PRKCB: variants seen among roughly 807,000 people sequenced by gnomAD.
PRKCB encodes the protein protein kinase C beta type.
In PRKCB, 13 loss-of-function variants were observed where a neutral mutation model predicts 81.5. The observed-to-expected ratio is 0.16, with a 90% CI of 0.10 to 0.25. The LOEUF (loss-of-function observed/expected upper bound fraction) is 0.25. PRKCB is among the 10% of genes least tolerant of loss of function. The pLI is 1.00. For missense variants in PRKCB, 509 were observed against 875.7 expected (o/e 0.58, Z 5.29); for synonymous variants, 335 against 321.4 (o/e 1.04, Z -0.45).
intron 7 of PRKCB, among the ~76,000 whole-genome samples, chr16:24,105,062 T>TA (rs1555497034): frequency 2.0e-5 from 3 of 151,828 alleles, no homozygotes; most frequent in Non-Finnish European, 4.4e-5. Flanking sequence ...TGGATTTTTT[T>TA]TTTTTTATTT....
intron 1 of PRKCB, chr16:23,837,153 G>A (rs1962176563): frequency 3.2e-6 from 2 of 631,606 alleles, no homozygotes; most frequent in Middle Eastern, 4.3e-4. Flanking sequence ...GCCACCTGGT[G>A]GTCGCAGCCT....
At chr16:23,915,610 T>A (rs2141738383) in intron 2 of PRKCB, among the ~76,000 whole-genome samples, 1 of 138,736 alleles carries the variant, frequency 7.2e-6, no homozygotes, top group African/African-American at 2.7e-5. Flanking sequence ...GATGATTGCA[T>A]GAGCCCAGGA....
At chr16:23,971,669 T>C (rs1262977945) in intron 2 of PRKCB, among the ~76,000 whole-genome samples, 2 of 152,166 alleles carry the variant, frequency 1.3e-5, no homozygotes, top group Non-Finnish European at 2.9e-5. Flanking sequence ...TCTCTCAGGG[T>C]TTCCTCTCTT....
chr16:23,951,979 G>A (rs1159759352), intron 2 of PRKCB, among the ~76,000 whole-genome samples: 1 of 152,172 alleles, frequency 6.6e-6, no homozygotes, highest in African/African-American at 2.4e-5. Context: ...CTGTCAGACT[G>A]TGAGAAACTT....
intron 12 of PRKCB, among the ~76,000 whole-genome samples, chr16:24,176,519 A>G (rs977499264): frequency 1.2e-4 from 19 of 152,236 alleles, no homozygotes; most frequent in African/African-American, 4.6e-4. Flanking sequence ...GCACATGGAA[A>G]TCCTCTAATT....
At position 24,219,599 on chromosome 16, in the gene PRKCB, G is replaced by A; in HGVS notation, c.*4783G>A. The A allele has an allele frequency of 9.8e-7, 1 of 1,017,340 alleles. No individual in the cohort carries two copies. Among genetic ancestry groups the A allele is most frequent in the Non-Finnish European group, 1.2e-6 (1 of 851,352 alleles). 63.0% of individuals were successfully genotyped at this position (1,017,340 alleles called of 1,614,324 possible). On this transcript the variant is annotated 3_prime_UTR_variant, in exon 17 of 17. Coordinates refer to ENST00000643927, the MANE Select transcript of PRKCB (RefSeq NM_002738.7). ...CTAATGATTATTTCTATAACATTAA[G>A]CATGGTAATAAGTAGCTTCCAATTC... is the stretch of plus-strand genomic sequence containing the variant.
intron 3 of PRKCB, among the ~76,000 whole-genome samples, chr16:24,027,325 A>G (rs1965494313): frequency 6.6e-6 from 1 of 152,224 alleles, no homozygotes; most frequent in Admixed American, 6.5e-5. Context: ...TCCAAGAAGC[A>G]CAATGGGAAC....
chr16:24,113,465 C>T (rs933845496), intron 8 of PRKCB, among the ~76,000 whole-genome samples: 2 of 149,468 alleles, frequency 1.3e-5, no homozygotes, highest in Non-Finnish European at 3.0e-5. Flanking sequence ...CTTTCTCTCT[C>T]CTTCCTTCTT....
chr16:23,854,838 C>T (rs2141085298), intron 2 of PRKCB, among the ~76,000 whole-genome samples: 1 of 152,288 alleles, frequency 6.6e-6, no homozygotes, highest in East Asian at 1.9e-4. Context: ...TAAAAACATA[C>T]TCCAGTCTAG....
At chr16:24,092,425 CA>C in intron 5 of PRKCB, among the ~76,000 whole-genome samples, 1 of 152,194 alleles carries the variant, frequency 6.6e-6, no homozygotes, top group South Asian at 2.1e-4. Context: ...TTCAGTCATG[CA>C]AAAAAATGAA....
intron 5 of PRKCB, among the ~76,000 whole-genome samples, chr16:24,088,550 G>A (rs924588628): frequency 2.0e-5 from 3 of 151,928 alleles, no homozygotes; most frequent in African/African-American, 7.3e-5. Context: ...AACATAGTGA[G>A]ACTCCATCTC....
chr16:23,849,904 C>T (rs1019785453), intron 2 of PRKCB, among the ~76,000 whole-genome samples: 1 of 152,144 alleles, frequency 6.6e-6, no homozygotes, highest in Non-Finnish European at 1.5e-5. Context: ...TGTTACCCTG[C>T]TGTGCAATAG....
In PRKCB at chr16:24,186,372, T is replaced by A. The variant is rs1251530089; in HGVS notation, c.1722+805T>A. Among the ~76,000 whole-genome samples the A allele has an allele frequency of 2.0e-5, 3 of 152,248 alleles. No individual in the cohort carries two copies. In the East Asian group the frequency reaches 5.8e-4, roughly 29 times the overall value. ...TGAGTATTTTGGAAAAGTCTCCATT[T>A]GGCTTGCAGACCACTGCCTTTAAAA... is the stretch of plus-strand genomic sequence containing the variant. On this transcript the variant is annotated intron_variant, in intron 15 of 16. Coordinates refer to ENST00000643927, the MANE Select transcript of PRKCB (RefSeq NM_002738.7).
Position 23,921,523 on chromosome 16 carries a change from C to T in PRKCB, c.206-66985C>T, listed in dbSNP as rs1384869020. On this transcript the variant is annotated intron_variant, in intron 2 of 16. Coordinates refer to ENST00000643927, the MANE Select transcript of PRKCB (RefSeq NM_002738.7). ...GAGGTGTGATAAAGATGTGCTAGGC[C>T]AGGCAAGATGGCTCACGTCTGTAAT... Among the ~76,000 whole-genome samples the T allele has an allele frequency of 1.3e-5, 2 of 152,110 alleles. 1 individual carries two copies.
intron 4 of PRKCB, among the ~76,000 whole-genome samples, chr16:24,032,545 A>T (rs1046843332): frequency 2.0e-5 from 3 of 152,160 alleles, no homozygotes; most frequent in Admixed American, 6.5e-5. Context: ...GGATTAGCAG[A>T]TGGAGGTGGG....
At chr16:24,128,738 A>G (rs1263922995) in intron 9 of PRKCB, among the ~76,000 whole-genome samples, 1 of 152,232 alleles carries the variant, frequency 6.6e-6, no homozygotes, top group Non-Finnish European at 1.5e-5. Flanking sequence ...TACAGAGGGT[A>G]CATGCGCAGG....
rs528244231 is a variant in PRKCB, at chr16:24,124,792, G to A, written c.1065+811G>A. Among the ~76,000 whole-genome samples, 52 of 152,194 alleles carry A rather than the reference G, an allele frequency of 3.4e-4. No individual in the cohort carries two copies. The East Asian group carries it at 8.3e-3, about 24-fold the overall frequency. ...TAAATTTCTTTTCCATCTATGTAACGTAAGCCAAAAACCTGGGAGTTATCC... is the reference window on the plus strand; with the variant it reads ...TAAATTTCTTTTCCATCTATGTAACATAAGCCAAAAACCTGGGAGTTATCC... On this transcript the variant is annotated intron_variant, in intron 9 of 16. Coordinates refer to ENST00000643927, the MANE Select transcript of PRKCB (RefSeq NM_002738.7).
Position 23,926,275 on chromosome 16 carries a change from A to G in PRKCB, c.206-62233A>G, listed in dbSNP as rs557404645. Among the ~76,000 whole-genome samples, 9 of 151,566 alleles carry G rather than the reference A, an allele frequency of 5.9e-5. No individual in the cohort carries two copies. In the South Asian group the frequency reaches 1.9e-3, roughly 32 times the overall value. On this transcript the variant is annotated intron_variant, in intron 2 of 16. Transcript: ENST00000643927. ...GACAGAGTGAGACCCTGTTTTAGTCAGGACTTCAAGACCAGCCTTGCCAAC... is the reference window on the plus strand; with the variant it reads ...GACAGAGTGAGACCCTGTTTTAGTCGGGACTTCAAGACCAGCCTTGCCAAC...
At chr16:23,944,459 G>T (rs1964179324) in intron 2 of PRKCB, among the ~76,000 whole-genome samples, 1 of 152,134 alleles carries the variant, frequency 6.6e-6, no homozygotes. Context: ...AATGACAAAT[G>T]CTTGAATCAT....
Sources: allele counts gnomAD v4.1 joint callset (sites outside exome capture counted in the v4.1 genomes callset), GRCh38; gene constraint gnomAD v4.1.1; transcripts MANE v1.5; gene names NCBI Gene and HGNC (gene_info 2026-07-23, HGNC 2026-07-21).